Variants in LRIG3 observed in about 807,000 individuals in gnomAD.
LRIG3 encodes the protein leucine rich repeats and immunoglobulin like domains 3.
Under a neutral mutation model 114.5 loss-of-function variants are expected in LRIG3, and 76 were observed. The observed-to-expected ratio is 0.66, with a 90% CI of 0.55 to 0.80. The LOEUF (loss-of-function observed/expected upper bound fraction) is 0.80. LRIG3 is among the 30% of genes least tolerant of loss of function. LRIG3 has a pLI of 0.00. For synonymous variants in LRIG3, 512 were observed against 519.8 expected (o/e 0.98, Z 0.20); for missense variants, 1,239 against 1,382.8 (o/e 0.90, Z 1.65).
At chr12:58,902,773 T>G (rs1478871424) in intron 3 of LRIG3, among the ~76,000 whole-genome samples, 1 of 132,782 alleles carries the variant, frequency 7.5e-6, no homozygotes, top group African/African-American at 2.8e-5. Flanking sequence ...CCTGTGTCCA[T>G]GTGTTCTCAT....
intron 10 of LRIG3, 61 bp from the exon 11 acceptor site, chr12:58,883,652 A>T: frequency 1.5e-6 from 2 of 1,329,704 alleles, no homozygotes; most frequent in African/African-American, 1.4e-5. Flanking sequence ...GCTTTTGGAC[A>T]AAGTTTGGGC....
At position 58,883,052 on chromosome 12, in the gene LRIG3, T is replaced by A. The variant is rs1416323729; in HGVS notation, c.1317-20A>T. The stretch of plus-strand genomic sequence containing the variant: ...AAATGCCTGAGGAGAGTAATTACAT[T>A]CAATTTGTTCTGTATGAAATGCAGA... On this transcript the variant is annotated intron_variant, in intron 11 of 18. Transcript: ENST00000320743. 6.3e-7 allele frequency: 1 copy of A among 1,585,062 alleles called. No homozygotes were observed. Among genetic ancestry groups the A allele is most frequent in the Non-Finnish European group, 8.6e-7 (1 of 1,164,020 alleles).
At chr12:58,912,152 C>G (rs1382874295) in intron 3 of LRIG3, among the ~76,000 whole-genome samples, 3 of 152,200 alleles carry the variant, frequency 2.0e-5, no homozygotes, top group Non-Finnish European at 4.4e-5. Flanking sequence ...AAATTTCTAA[C>G]TTTTGAGAGA....
chr12:58,917,786 A>T (rs1365418944), intron 1 of LRIG3, among the ~76,000 whole-genome samples: 1 of 152,228 alleles, frequency 6.6e-6, no homozygotes, highest in African/African-American at 2.4e-5. Context: ...ACCCAAGGAA[A>T]GGGAAGGTAA....
At chr12:58,886,341 T>C (rs865924480) in intron 9 of LRIG3, among the ~76,000 whole-genome samples, 2 of 152,044 alleles carry the variant, frequency 1.3e-5, no homozygotes, top group South Asian at 2.1e-4. Context: ...CACATGTAAT[T>C]TGACCATCTG....
chr12:58,902,275 A>T (rs1376968413), intron 3 of LRIG3, among the ~76,000 whole-genome samples: 2 of 151,926 alleles, frequency 1.3e-5, no homozygotes, highest in Non-Finnish European at 2.9e-5. Context: ...TAAAAAAAAA[A>T]TGTAAAAAAA....
chr12:58,907,516 GC>G (rs1171359725), intron 3 of LRIG3, among the ~76,000 whole-genome samples: 5 of 152,130 alleles, frequency 3.3e-5, no homozygotes, highest in African/African-American at 1.2e-4. Flanking sequence ...TTGGCCCACT[GC>G]CTCCAGTCTC....
chr12:58,904,046 C>T (rs373893588), intron 3 of LRIG3, among the ~76,000 whole-genome samples: 111 of 152,086 alleles, frequency 7.3e-4, no homozygotes, highest in African/African-American at 2.2e-3. Flanking sequence ...CTTGGCGATG[C>T]GGGCTCTTTT....
chr12:58,896,298 A>T (rs1207062226), intron 3 of LRIG3, among the ~76,000 whole-genome samples: 3 of 152,230 alleles, frequency 2.0e-5, no homozygotes, highest in African/African-American at 7.2e-5. Flanking sequence ...TTCTTGATTC[A>T]CTGTAATCTC....
intron 16 of LRIG3, among the ~76,000 whole-genome samples, chr12:58,875,123 A>G (rs1286646845): frequency 6.6e-6 from 1 of 152,186 alleles, no homozygotes; most frequent in African/African-American, 2.4e-5. Context: ...GGGCTGAGAG[A>G]AAAGCAAATA....
At chr12:58,887,122 A>G in intron 8 of LRIG3, 1 of 469,926 alleles carries the variant, frequency 2.1e-6, no homozygotes, top group South Asian at 3.2e-5. Context: ...CACTGGCCCT[A>G]TTAATTCCTC....
chr12:58,887,825 T>C lies in LRIG3; in HGVS notation c.1055A>G (p.Asp352Gly), dbSNP rs1393000302. 1 of 1,613,796 alleles carries C rather than the reference T, an allele frequency of 6.2e-7. No homozygotes were observed. Reference sequence around the variant, plus strand: ...ACTGGAAAGCCCCCGGAAGGCACAATCAGCAATGTAGCTGACTCTGTTGTT... The same window carrying C: ...ACTGGAAAGCCCCCGGAAGGCACAACCAGCAATGTAGCTGACTCTGTTGTT... ...IGNNRVSYIA[D>G]CAFRGLSSLK... The change falls in exon 8 of 19, where the codon GAT (aspartate) becomes GGT (glycine). Residue 352 changes from aspartate to glycine, a missense_variant. By Grantham distance (94) the Asp-to-Gly change is moderately conservative. Coordinates refer to ENST00000320743, the MANE Select transcript of LRIG3 (RefSeq NM_153377.5).
In LRIG3 at chr12:58,872,736, C is replaced by T; in HGVS notation, c.3196G>A (p.Ala1066Thr). 1 of 1,614,116 alleles carries T rather than the reference C, an allele frequency of 6.2e-7. No homozygotes were observed. Among genetic ancestry groups the T allele is most frequent in the Non-Finnish European group, 8.5e-7 (1 of 1,179,988 alleles). The change falls in exon 19 of 19, where the codon GCC becomes ACC. Residue 1066 changes from alanine to threonine, a missense_variant. Coordinates refer to ENST00000320743, the MANE Select transcript of LRIG3 (RefSeq NM_153377.5). ...FGQPSDCQPR[A>T]FYLKAHSSPD... is the part of the protein sequence containing the mutation. The stretch of plus-strand genomic sequence containing the variant: ...GAAGAATGAGCTTTCAAATAAAAGG[C>T]TCTTGGCTGACAATCTGATGGCTGT...
intron 1 of LRIG3, among the ~76,000 whole-genome samples, chr12:58,917,745 A>C (rs756495551): frequency 6.6e-6 from 1 of 152,246 alleles, no homozygotes; most frequent in Non-Finnish European, 1.5e-5. Context: ...TTCATAAGCC[A>C]GTCCAAAGAC....
intron 5 of LRIG3, 74 bp downstream of exon 5, chr12:58,889,922 T>G: frequency 2.0e-6 from 3 of 1,538,272 alleles, no homozygotes; most frequent in Non-Finnish European, 2.6e-6. Flanking sequence ...TTTGCCACAT[T>G]GTAGATTTTA....
intron 1 of LRIG3, 74 bp downstream of exon 1, chr12:58,919,926 C>G (rs1272137274): frequency 7.1e-7 from 1 of 1,403,340 alleles, no homozygotes; most frequent in African/African-American, 1.4e-5. Context: ...CGCCGAACCC[C>G]ATTCCCCGCC....
chr12:58,883,571 A>T lies in LRIG3; in HGVS notation c.1265T>A (p.Ile422Asn). The T allele has an allele frequency of 6.4e-7, 1 of 1,550,394 alleles. No individual in the cohort carries two copies. The highest frequency in any genetic ancestry group is 8.8e-7 in the Non-Finnish European group (1 of 1,135,070). Residue 422 changes from isoleucine to asparagine, a missense_variant, in exon 11 of 19, where the codon ATC becomes AAC. Transcript: ENST00000320743. The part of the protein sequence containing the change: ...LEHLDLSDNA[I>N]MSLQGNAFSQ... ...AAATGCATTGCCTTGTAAAGACATG[A>T]TTGCGTTGTCACTCAGGTCTCTGAA...
intron 16 of LRIG3, among the ~76,000 whole-genome samples, chr12:58,876,240 T>C (rs1870912418): frequency 6.6e-6 from 1 of 152,216 alleles, no homozygotes; most frequent in South Asian, 2.1e-4. Context: ...ACTAGTCTTT[T>C]TTTATTGTTA....
rs762692069 is a variant in LRIG3, at chr12:58,874,429, C to G, written c.2839+1G>C. On this transcript the variant is annotated splice_donor_variant, in intron 17 of 18. Transcript: ENST00000320743. LOFTEE classifies it high-confidence loss of function. ...TGTACTCAAGCAAGAAAACCACCTA[C>G]CTGTATGATATGTTTCAAAAGGATC... 1 of 1,614,114 alleles carries G rather than the reference C, an allele frequency of 6.2e-7. No individual in the cohort carries two copies. Among genetic ancestry groups the G allele is most frequent in the Non-Finnish European group, 8.5e-7 (1 of 1,180,010 alleles).
Sources: gnomAD v4.1 joint callset for allele counts (sites outside exome capture counted in the v4.1 genomes callset) on GRCh38, gnomAD v4.1.1 for gene constraint, MANE v1.5 for transcripts, NCBI Gene and HGNC (gene_info 2026-07-23, HGNC 2026-07-21) for gene names.